The following STXBP6 variants were observed in gnomAD, a reference collection of about 807,000 sequenced individuals.
The protein encoded by STXBP6 is syntaxin binding protein 6, also known as syntaxin-binding protein 6.
In STXBP6, 21 loss-of-function variants were observed where a neutral mutation model predicts 26.9. The observed-to-expected ratio is 0.78, with a 90% CI of 0.55 to 1.12. The LOEUF is 1.12. STXBP6 is among the 50% of genes most tolerant of loss of function. STXBP6 has a pLI of 0.00. For missense variants in STXBP6, 232 were observed against 257.9 expected (o/e 0.90, Z 0.69); for synonymous variants, 97 against 92.6 (o/e 1.05, Z -0.27).
chr14:24,826,698 T>C (rs2068295074), intron 4 of STXBP6, among the ~76,000 whole-genome samples: 1 of 152,170 alleles, frequency 6.6e-6, no homozygotes, highest in African/African-American at 2.4e-5. Context: ...GCTCTTTCTG[T>C]TGGCTTCTAA....
intron 1 of STXBP6, among the ~76,000 whole-genome samples, chr14:25,044,627 T>C (rs1368637201): frequency 6.6e-6 from 1 of 152,228 alleles, no homozygotes; most frequent in Non-Finnish European, 1.5e-5. Flanking sequence ...CTTTTTGTTT[T>C]GTTTTTGGGA....
chr14:24,999,388 C>T (rs140766475), intron 1 of STXBP6, among the ~76,000 whole-genome samples: 9 of 152,172 alleles, frequency 5.9e-5, no homozygotes, highest in Non-Finnish European at 1.0e-4. Context: ...GCATGGAGTG[C>T]GATCTTCAGA....
chr14:24,846,929 C>G (rs530860844), intron 4 of STXBP6, among the ~76,000 whole-genome samples: 33 of 152,266 alleles, frequency 2.2e-4, no homozygotes, highest in African/African-American at 7.7e-4. Flanking sequence ...TTTACCCCTT[C>G]ACTAAAGGTT....
chr14:24,974,896 T>TATGAACCCTTAC, intron 1 of STXBP6, 46 bp from the exon 2 acceptor site: 1 of 1,308,016 alleles, frequency 7.6e-7, no homozygotes. Context: ...GACAACATTG[T>TATGAACCCTTAC]AAGGGTTCAT....
intron 1 of STXBP6, among the ~76,000 whole-genome samples, chr14:25,036,952 G>T: frequency 6.6e-6 from 1 of 151,776 alleles, no homozygotes; most frequent in East Asian, 1.9e-4. Flanking sequence ...CTTTTTACAC[G>T]GAATATACAC....
At chr14:24,928,100 C>A (rs186062202) in intron 2 of STXBP6, among the ~76,000 whole-genome samples, 8 of 152,202 alleles carry the variant, frequency 5.3e-5, no homozygotes, top group Admixed American at 4.6e-4. Flanking sequence ...AATAATAAAT[C>A]CCTCGTTAGA....
At chr14:25,043,022 A>G (rs1206565370) in intron 1 of STXBP6, among the ~76,000 whole-genome samples, 4 of 152,224 alleles carry the variant, frequency 2.6e-5, no homozygotes, top group African/African-American at 9.7e-5. Context: ...GATGACACTA[A>G]AATGTCGATC....
At chr14:24,916,538 G>C (rs1290721831) in intron 2 of STXBP6, among the ~76,000 whole-genome samples, 1 of 152,142 alleles carries the variant, frequency 6.6e-6, no homozygotes, top group Non-Finnish European at 1.5e-5. Flanking sequence ...TCTGATTGCA[G>C]CTACTGGATG....
intron 2 of STXBP6, among the ~76,000 whole-genome samples, chr14:24,866,052 G>A (rs1292442797): frequency 6.6e-6 from 1 of 152,074 alleles, no homozygotes; most frequent in Non-Finnish European, 1.5e-5. Context: ...CATTATTCTG[G>A]GTGGTTTGAT....
chr14:24,832,395 A>G (rs1165459304), intron 4 of STXBP6, among the ~76,000 whole-genome samples: 1 of 152,214 alleles, frequency 6.6e-6, no homozygotes, highest in African/African-American at 2.4e-5. Context: ...CTCACCTCAT[A>G]GACAGATTGG....
intron 2 of STXBP6, among the ~76,000 whole-genome samples, chr14:24,887,490 C>G (rs1271903486): frequency 1.3e-5 from 2 of 152,196 alleles, no homozygotes; most frequent in African/African-American, 2.4e-5. Flanking sequence ...TCAGTGGTCT[C>G]AAACATTAAT....
At chr14:24,962,493 C>T (rs112778913) in intron 2 of STXBP6, among the ~76,000 whole-genome samples, 6,118 of 151,838 alleles carry the variant, frequency 0.04, 145 homozygotes, top group Middle Eastern at 0.086. Context: ...CTACACCTGG[C>T]TAATTTTTGT....
intron 2 of STXBP6, among the ~76,000 whole-genome samples, chr14:24,937,390 T>C (rs545564702): frequency 1.0e-4 from 16 of 152,382 alleles, no homozygotes; most frequent in African/African-American, 3.1e-4. Context: ...TTATATATGA[T>C]GTTGCTCTGT....
intron 4 of STXBP6, among the ~76,000 whole-genome samples, chr14:24,851,113 G>A (rs921589609): frequency 6.6e-6 from 1 of 152,074 alleles, no homozygotes; most frequent in African/African-American, 2.4e-5. Context: ...TGGGAGCCAT[G>A]TGGGATTTGC....
chr14:24,964,492 C>G (rs1472967896), intron 2 of STXBP6, among the ~76,000 whole-genome samples: 2 of 152,200 alleles, frequency 1.3e-5, no homozygotes, highest in Non-Finnish European at 2.9e-5. Context: ...CCCTCCCTGT[C>G]TCTTCTTCAT....
intron 1 of STXBP6, among the ~76,000 whole-genome samples, chr14:25,002,506 C>T (rs559934447): frequency 1.3e-4 from 19 of 151,956 alleles, no homozygotes; most frequent in East Asian, 1.2e-3. Context: ...ACTATAGGCA[C>T]GTGCCACCAC....
intron 1 of STXBP6, among the ~76,000 whole-genome samples, chr14:25,025,288 A>G (rs1199070844): frequency 6.6e-6 from 1 of 152,140 alleles, no homozygotes; most frequent in Non-Finnish European, 1.5e-5. Flanking sequence ...ATATTAGGGA[A>G]AATGACATTT....
intron 4 of STXBP6, among the ~76,000 whole-genome samples, chr14:24,854,620 C>T (rs1805935141): frequency 6.6e-6 from 1 of 152,092 alleles, no homozygotes; most frequent in South Asian, 2.1e-4. Flanking sequence ...TCCTGGCCAA[C>T]TTTCCATTCA....
At chr14:24,917,663 CATAG>C (rs1342735512) in intron 2 of STXBP6, among the ~76,000 whole-genome samples, 1 of 151,804 alleles carries the variant, frequency 6.6e-6, no homozygotes, top group East Asian at 1.9e-4. Context: ...TAGAAAAAGA[CATAG>C]ATAACAATCT....
Sources: gnomAD v4.1 joint callset for allele counts (sites outside exome capture counted in the v4.1 genomes callset) on GRCh38, gnomAD v4.1.1 for gene constraint, MANE v1.5 for transcripts, NCBI Gene and HGNC (gene_info 2026-07-23, HGNC 2026-07-21) for gene names.